Variants in PTPRN2 observed in about 807,000 individuals in gnomAD.
PTPRN2 encodes the protein protein tyrosine phosphatase receptor type N2, also known as receptor-type tyrosine-protein phosphatase N2.
A neutral mutation model predicts 118.8 loss-of-function variants in PTPRN2; 74 were observed. The observed-to-expected ratio is 0.62, with a 90% CI of 0.52 to 0.76. The LOEUF (loss-of-function observed/expected upper bound fraction) is 0.76, where lower values mean the gene tolerates loss of function less well. PTPRN2 is among the 30% of genes least tolerant of loss of function. The pLI is 0.00. For missense variants in PTPRN2, 1,481 were observed against 1,394.4 expected, an observed-to-expected ratio of 1.06 and a Z score of -0.99; for synonymous variants, 641 against 608.0, an observed-to-expected ratio of 1.05 and a Z score of -0.80.
chr7:157,896,238 CA>C, intron 12 of PTPRN2, among the ~76,000 whole-genome samples: 1 of 148,386 alleles, frequency 6.7e-6, no homozygotes. Context: ...AGGTGCCCAG[CA>C]GAGGACAGGA....
At chr7:158,532,275 CTG>C (rs1825303563) in intron 1 of PTPRN2, among the ~76,000 whole-genome samples, 1 of 152,210 alleles carries the variant, frequency 6.6e-6, no homozygotes, top group Admixed American at 6.5e-5. Flanking sequence ...CTCTTGGCCT[CTG>C]TCCATTCTCA....
chr7:157,896,751 A>T (rs1797154278), intron 12 of PTPRN2, among the ~76,000 whole-genome samples: 1 of 152,234 alleles, frequency 6.6e-6, no homozygotes, highest in South Asian at 2.1e-4. Flanking sequence ...ACCTGTGGCA[A>T]GGCACATGGC....
chr7:158,348,463 C>T (rs111489976), intron 2 of PTPRN2, among the ~76,000 whole-genome samples: 12 of 106,684 alleles, frequency 1.1e-4, no homozygotes, highest in South Asian at 4.2e-4. Flanking sequence ...CCCTGGGGTC[C>T]CCATTCACAG....
intron 2 of PTPRN2, among the ~76,000 whole-genome samples, chr7:158,327,380 C>G (rs76730847): frequency 1.3e-5 from 2 of 150,232 alleles, no homozygotes; most frequent in Non-Finnish European, 3.0e-5. Context: ...CACACATTAT[C>G]ACATGCACAC....
At chr7:158,442,127 GTGA>G (rs1354729961) in intron 2 of PTPRN2, among the ~76,000 whole-genome samples, 2 of 145,608 alleles carry the variant, frequency 1.4e-5, no homozygotes, top group East Asian at 2.0e-4. Context: ...GGTGGTGATA[GTGA>G]TGGTGGTGGC....
At chr7:158,510,032 C>T (rs1469618629) in intron 1 of PTPRN2, among the ~76,000 whole-genome samples, 1 of 152,176 alleles carries the variant, frequency 6.6e-6, no homozygotes, top group Non-Finnish European at 1.5e-5. Context: ...CCAAGCTGCC[C>T]ATTCCCCAGA....
At chr7:157,791,444 G>C (rs1165971401) in intron 12 of PTPRN2, among the ~76,000 whole-genome samples, 2 of 152,222 alleles carry the variant, frequency 1.3e-5, no homozygotes, top group African/African-American at 4.8e-5. Flanking sequence ...CTGAGGTCGG[G>C]ACTGGTGCAG....
rs188528073 is a variant in PTPRN2, at chr7:157,643,372, T to A, written c.2196+12985A>T. Among the ~76,000 whole-genome samples, 316 of 152,258 alleles carry A rather than the reference T, an allele frequency of 2.1e-3. 1 individual carries two copies. Among genetic ancestry groups the A allele is most frequent in the Middle Eastern group, 6.8e-3 (2 of 294 alleles). ...AATCAGATTTTTAAAAAATAAAAAGTCAAATCACTCCCCCTCCCACAAAAA... is the reference window on the plus strand; with the variant it reads ...AATCAGATTTTTAAAAAATAAAAAGACAAATCACTCCCCCTCCCACAAAAA... On this transcript the variant is annotated intron_variant, in intron 14 of 22. Coordinates refer to ENST00000389418, the MANE Select transcript of PTPRN2 (RefSeq NM_002847.5).
chr7:157,616,876 G>C (rs893548730), intron 15 of PTPRN2: 1 of 152,004 alleles, frequency 6.6e-6, no homozygotes, highest in Non-Finnish European at 1.5e-5. Flanking sequence ...CTAAACCAAA[G>C]GTTTATTTAG....
At chr7:158,260,133 T>TA (rs1797301954) in intron 3 of PTPRN2, among the ~76,000 whole-genome samples, 1 of 152,230 alleles carries the variant, frequency 6.6e-6, no homozygotes, top group Admixed American at 6.5e-5. Flanking sequence ...CCTGCATGCC[T>TA]AGCAGACAAG....
chr7:158,493,251 C>A (rs1821589778), intron 1 of PTPRN2, among the ~76,000 whole-genome samples: 2 of 152,270 alleles, frequency 1.3e-5, no homozygotes, highest in South Asian at 4.1e-4. Context: ...ACACATGCAC[C>A]CACAAGCATG....
At chr7:157,747,309 T>C (rs1585364689) in intron 12 of PTPRN2, among the ~76,000 whole-genome samples, 1 of 132,390 alleles carries the variant, frequency 7.6e-6, no homozygotes, top group Admixed American at 7.9e-5. Context: ...CTGTGGGGTG[T>C]CCGGGTGATT....
chr7:157,792,120 C>T (rs1245939876), intron 12 of PTPRN2, among the ~76,000 whole-genome samples: 2 of 152,242 alleles, frequency 1.3e-5, no homozygotes, highest in African/African-American at 4.8e-5. Context: ...GAAGCCCCCT[C>T]CCCGTTCATG....
chr7:158,513,763 G>T (rs1823343780), intron 1 of PTPRN2, among the ~76,000 whole-genome samples: 1 of 152,314 alleles, frequency 6.6e-6, no homozygotes, highest in East Asian at 1.9e-4. Context: ...AGAAAAGGCA[G>T]CCCCGAAACT....
At chr7:158,097,589 G>A (rs1465655277) in intron 10 of PTPRN2, among the ~76,000 whole-genome samples, 2 of 152,174 alleles carry the variant, frequency 1.3e-5, no homozygotes, top group Admixed American at 1.3e-4. Context: ...GGGGCTCGTG[G>A]GAATGTGTCT....
chr7:158,052,854 G>A (rs550280806), intron 11 of PTPRN2, among the ~76,000 whole-genome samples: 139 of 152,294 alleles, frequency 9.1e-4, no homozygotes, highest in African/African-American at 3.1e-3. Context: ...ACGTTCCCTC[G>A]AGGCCAGGCT....
chr7:157,936,390 G>C (rs1799700202), intron 11 of PTPRN2, among the ~76,000 whole-genome samples: 1 of 152,124 alleles, frequency 6.6e-6, no homozygotes, highest in Non-Finnish European at 1.5e-5. Context: ...CCTCCCCTCT[G>C]CCTGTGTCCC....
At position 157,787,016 on chromosome 7, in the gene PTPRN2, G is replaced by A. The variant is rs371327130; in HGVS notation, c.1789-104079C>T. Among the ~76,000 whole-genome samples, 12 of 152,042 alleles carry A rather than the reference G, an allele frequency of 7.9e-5. No homozygotes were observed. Among genetic ancestry groups the A allele is most frequent in the African/African-American group, 2.4e-4 (10 of 41,532 alleles). On this transcript the variant is annotated intron_variant, in intron 12 of 22. Transcript: ENST00000389418. This position sits in a 1 kb window ranked among gnomAD's most constrained non-coding sequence, Gnocchi z 5.3. ...TGGGACAGCTTGAGGGGCAGGAGGCGGACACAGGTGCGGCGGGGGACGCGG... is the reference window on the plus strand; with the variant it reads ...TGGGACAGCTTGAGGGGCAGGAGGCAGACACAGGTGCGGCGGGGGACGCGG...
intron 11 of PTPRN2, among the ~76,000 whole-genome samples, chr7:157,917,803 C>G (rs1798491677): frequency 6.6e-6 from 1 of 152,154 alleles, no homozygotes; most frequent in Admixed American, 6.5e-5. Context: ...TGCGTGGCGA[C>G]GAGGAAAAAT....
Sources: gnomAD v4.1 joint callset for allele counts (sites outside exome capture counted in the v4.1 genomes callset) on GRCh38, gnomAD v4.1.1 for gene constraint, Gnocchi (gnomAD v3.1) non-coding constraint, MANE v1.5 for transcripts, NCBI Gene and HGNC (gene_info 2026-07-23, HGNC 2026-07-21) for gene names.